Variants in SIN3A observed in about 807,000 individuals in gnomAD.
The protein encoded by SIN3A is paired amphipathic helix protein Sin3a.
A neutral mutation model predicts 146.1 loss-of-function variants in SIN3A; 14 were observed. That is an observed-to-expected ratio of 0.10 (90% CI 0.06 to 0.15). SIN3A has a LOEUF of 0.15. SIN3A is among the 10% of genes least tolerant of loss of function. The probability of loss-of-function intolerance (pLI) is 1.00; values close to 1 mark genes in which losing one functional copy is unlikely to be tolerated. For missense variants in SIN3A, 1,028 were observed against 1,576.0 expected (o/e 0.65, Z 5.89); for synonymous variants, 572 against 572.0 (o/e 1.00, Z 0.00).
chr15:75,411,875 C>T, intron 5 of SIN3A, 132 bp from the exon 6 acceptor site: 1 of 859,838 alleles, frequency 1.2e-6, no homozygotes, highest in Non-Finnish European at 1.7e-6. Context: ...CATTTTAGTC[C>T]AACACAAATC....
chr15:75,437,853 C>T (rs940771099), intron 1 of SIN3A, among the ~76,000 whole-genome samples: 2 of 152,210 alleles, frequency 1.3e-5, no homozygotes, highest in African/African-American at 4.8e-5. Context: ...ATAATGGCAG[C>T]AGAACATTTA....
intron 17 of SIN3A, among the ~76,000 whole-genome samples, chr15:75,383,733 T>TA (rs1481544603): frequency 6.6e-6 from 1 of 152,142 alleles, no homozygotes; most frequent in East Asian, 1.9e-4. Context: ...GCAATCCTTC[T>TA]ACCTCATTCT....
At chr15:75,408,224 C>T (rs977635468) in intron 8 of SIN3A, among the ~76,000 whole-genome samples, 1 of 152,192 alleles carries the variant, frequency 6.6e-6, no homozygotes, top group African/African-American at 2.4e-5. Flanking sequence ...TAAATCCAAG[C>T]ATGGAGTGTA....
At chr15:75,399,987 C>A in intron 12 of SIN3A, 53 bp downstream of exon 12, 1 of 966,122 alleles carries the variant, frequency 1.0e-6, no homozygotes, top group South Asian at 1.3e-5. Flanking sequence ...TACTGATAGT[C>A]TCACTGAGCA....
intron 13 of SIN3A, among the ~76,000 whole-genome samples, chr15:75,396,040 G>C (rs1301031170): frequency 1.3e-5 from 2 of 152,074 alleles, no homozygotes; most frequent in South Asian, 4.1e-4. Context: ...CATACACACA[G>C]AGCCTTCCAC....
rs539893934 is a variant in SIN3A at position 75,381,649 on chromosome 15, T to G, written c.3252A>C (p.Thr1084=). The change falls in exon 18 of 21, where the codon ACA becomes ACC. Residue 1084 remains threonine (T), a synonymous_variant. Coordinates refer to ENST00000394947, the MANE Select transcript of SIN3A (RefSeq NM_001145358.2). ...CAGGGTCATCCGAATTCTCCTCTTCTGTGTCCAGAAGCTCAATAGTCAGCT... is the reference window on the plus strand; with the variant it reads ...CAGGGTCATCCGAATTCTCCTCTTCGGTGTCCAGAAGCTCAATAGTCAGCT... ...QVQLTIELLD[T]EEENSDDPVE... is the part of the protein sequence containing the mutation. The G allele has an allele frequency of 2.0e-5, 33 of 1,614,028 alleles. No individual in the cohort carries two copies. The South Asian group carries it at 3.4e-4, about 17-fold the overall frequency.
intron 7 of SIN3A, 30 bp downstream of exon 7, chr15:75,410,104 A>C (rs563855588): frequency 6.2e-7 from 1 of 1,608,830 alleles, no homozygotes; most frequent in East Asian, 2.2e-5. Flanking sequence ...AATAATAGTA[A>C]ATAGTGTAAT....
intron 3 of SIN3A, chr15:75,421,296 T>C (rs2073836866): frequency 6.6e-6 from 1 of 152,164 alleles, no homozygotes; most frequent in Non-Finnish European, 1.5e-5. Context: ...AGACTGAAAA[T>C]GTTTTAAAGG....
In SIN3A at chr15:75,396,472, G is replaced by C. The variant is rs925041084; in HGVS notation, c.1879C>G (p.Leu627Val). The change falls in exon 13 of 21, where the codon CTG becomes GTG. Residue 627 changes from leucine to valine, a missense_variant. By Grantham distance (32) the Leu-to-Val change is conservative. Around this residue, in one of 9 missense-constraint regions of SIN3A, gnomAD observed 157 missense variants for 284.8 expected, o/e 0.55. Coordinates refer to ENST00000394947, the MANE Select transcript of SIN3A (RefSeq NM_001145358.2). ...GCTTCCAGAACCCGGATTGTTGCCA[G>C]ATTGGTCTCTAAAACTACATCAAGC... ...FELDVVLETN[L>V]ATIRVLEAIQ... The C allele has an allele frequency of 6.2e-7, 1 of 1,613,816 alleles. No individual in the cohort carries two copies. Among genetic ancestry groups the C allele is most frequent in the Non-Finnish European group, 8.5e-7 (1 of 1,179,816 alleles).
intron 3 of SIN3A, among the ~76,000 whole-genome samples, chr15:75,417,483 T>G (rs1340630209): frequency 6.6e-6 from 1 of 151,610 alleles, no homozygotes; most frequent in East Asian, 1.9e-4. Flanking sequence ...TCAAGTGATA[T>G]CTCCTGCCTC....
chr15:75,415,464 G>A, intron 3 of SIN3A: 1 of 198,412 alleles, frequency 5.0e-6, no homozygotes, highest in Admixed American at 5.2e-5. Flanking sequence ...TGAAGGGGAT[G>A]CTAAAGGAGA....
intron 2 of SIN3A, among the ~76,000 whole-genome samples, chr15:75,424,742 G>C (rs1182394132): frequency 6.6e-6 from 1 of 152,110 alleles, no homozygotes; most frequent in African/African-American, 2.4e-5. Context: ...CAAAGTGCTG[G>C]GGTTATAGAC....
chr15:75,428,101 T>C (rs2073958162), intron 2 of SIN3A, among the ~76,000 whole-genome samples: 2 of 152,164 alleles, frequency 1.3e-5, no homozygotes, highest in Non-Finnish European at 1.5e-5. Context: ...GAGTAACAGA[T>C]GAATGATCAG....
At chr15:75,390,095 C>T (rs1048380525) in intron 15 of SIN3A, among the ~76,000 whole-genome samples, 1 of 152,152 alleles carries the variant, frequency 6.6e-6, no homozygotes, top group Admixed American at 6.5e-5. Context: ...ACTGCTGGGC[C>T]ACTTTCAGAG....
chr15:75,384,774 T>C lies in SIN3A; in HGVS notation c.3022-337A>G, dbSNP rs549213483. Among the ~76,000 whole-genome samples, 56 of 152,322 alleles carry C rather than the reference T, an allele frequency of 3.7e-4. 3 individuals are homozygous for C. The South Asian group carries it at 0.01, about 28-fold the overall frequency. ...CTATAGGTCATATCTTTATTGCATT[T>C]TAAAATCATTTACAATTGGCTCTCA... is the stretch of plus-strand genomic sequence containing the variant. On this transcript the variant is annotated intron_variant, in intron 16 of 20. Transcript: ENST00000394947.
At chr15:75,424,512 C>T (rs1042254235) in intron 2 of SIN3A, among the ~76,000 whole-genome samples, 1 of 152,184 alleles carries the variant, frequency 6.6e-6, no homozygotes, top group Non-Finnish European at 1.5e-5. Context: ...CCCGCTCTCT[C>T]ACCCAGGCTG....
intron 9 of SIN3A, among the ~76,000 whole-genome samples, chr15:75,402,835 G>T (rs576900812): frequency 6.6e-6 from 1 of 151,920 alleles, no homozygotes; most frequent in African/African-American, 2.4e-5. Context: ...AGGTTTCACC[G>T]TATTGGCTAG....
At chr15:75,435,490 G>A (rs1222250384) in intron 1 of SIN3A, among the ~76,000 whole-genome samples, 1 of 152,150 alleles carries the variant, frequency 6.6e-6, no homozygotes, top group Non-Finnish European at 1.5e-5. Flanking sequence ...CTGAGTTTGG[G>A]AGTTCGAGAC....
intron 5 of SIN3A, 31 bp downstream of exon 5, chr15:75,412,732 C>T: frequency 6.5e-7 from 1 of 1,529,970 alleles, no homozygotes; most frequent in Non-Finnish European, 8.8e-7. Context: ...GGGATGCATT[C>T]ATATTGATGC....
Sources: gnomAD v4.1 joint callset for allele counts (sites outside exome capture counted in the v4.1 genomes callset) on GRCh38, gnomAD v4.1.1 for gene constraint, gnomAD v4.1.1 regional missense constraint, MANE v1.5 for transcripts, NCBI Gene and HGNC (gene_info 2026-07-23, HGNC 2026-07-21) for gene names.